The following PKP2 variants were observed in gnomAD, a reference collection of about 807,000 sequenced individuals.
PKP2 encodes plakophilin 2.
Under a neutral mutation model 83.4 loss-of-function variants are expected in PKP2, and 73 were observed. The observed-to-expected ratio is 0.88, with a 90% confidence interval of 0.72 to 1.06. The LOEUF (loss-of-function observed/expected upper bound fraction) is 1.06, where lower values mean the gene tolerates loss of function less well. Ranked by LOEUF, PKP2 falls within the 50% of genes least tolerant of loss-of-function variation. The probability of loss-of-function intolerance (pLI) is 0.00; values close to 1 mark genes in which losing one functional copy is unlikely to be tolerated. For synonymous variants in PKP2, 409 were observed against 430.4 expected (o/e 0.95, Z 0.62); for missense variants, 966 against 1,065.4 (o/e 0.91, Z 1.30).
At chr12:32,885,930 C>T (rs1036341620) in intron 1 of PKP2, among the ~76,000 whole-genome samples, 12 of 152,098 alleles carry the variant, frequency 7.9e-5, no homozygotes, top group Admixed American at 6.6e-4. Context: ...TTCAGAAAAG[C>T]GTCTTTTCTT....
chr12:32,795,449 C>T (rs1276534372), intron 11 of PKP2, among the ~76,000 whole-genome samples: 2 of 151,696 alleles, frequency 1.3e-5, no homozygotes, highest in African/African-American at 4.9e-5. Flanking sequence ...GGCACGATCA[C>T]GGCTCATTGC....
chr12:32,833,995 G>A (rs982610486), intron 6 of PKP2, among the ~76,000 whole-genome samples: 4 of 152,110 alleles, frequency 2.6e-5, no homozygotes, highest in African/African-American at 7.2e-5. Context: ...ATTTAAGAAC[G>A]TTGGTGATGA....
Position 32,860,615 on chromosome 12 carries a change from G to A in PKP2, c.1170+8312C>T, listed in dbSNP as rs538562594. ...ATTAGGACAAATACCTAATGCACGC[G>A]GGGCTTAAAACCTAGATGACAGGTT... On this transcript the variant is annotated intron_variant, in intron 4 of 12. Coordinates refer to ENST00000340811, the MANE Select transcript of PKP2 (RefSeq NM_001005242.3). Among the ~76,000 whole-genome samples the A allele has an allele frequency of 4.6e-5, 7 of 152,290 alleles. 1 individual carries two copies. The South Asian group carries it at 1.0e-3, about 23-fold the overall frequency.
chr12:32,866,457 G>A (rs576041441), intron 4 of PKP2, among the ~76,000 whole-genome samples: 1 of 149,858 alleles, frequency 6.7e-6, no homozygotes, highest in South Asian at 2.1e-4. Flanking sequence ...AGGCTGAGGT[G>A]GGAAGATCAC....
At chr12:32,887,774 C>T (rs927585040) in intron 1 of PKP2, among the ~76,000 whole-genome samples, 1 of 152,200 alleles carries the variant, frequency 6.6e-6, no homozygotes, top group African/African-American at 2.4e-5. Context: ...GTGTTCATGT[C>T]ATATTTTGTT....
intron 5 of PKP2, among the ~76,000 whole-genome samples, chr12:32,841,963 C>G (rs1242693947): frequency 1.3e-5 from 2 of 152,182 alleles, no homozygotes; most frequent in Non-Finnish European, 2.9e-5. Context: ...ATTAAATTTT[C>G]TCTTTCCTCT....
At chr12:32,816,750 G>A (rs1176775145) in intron 9 of PKP2, among the ~76,000 whole-genome samples, 1 of 152,054 alleles carries the variant, frequency 6.6e-6, no homozygotes, top group African/African-American at 2.4e-5. Flanking sequence ...ACCAGCATCT[G>A]TTGTTTTTTG....
intron 5 of PKP2, among the ~76,000 whole-genome samples, chr12:32,841,638 C>T (rs1410902785): frequency 1.3e-5 from 2 of 152,160 alleles, no homozygotes; most frequent in Non-Finnish European, 2.9e-5. Flanking sequence ...CCCTTAGATA[C>T]ACATGGGAAA....
At chr12:32,796,381 A>G in intron 10 of PKP2, 83 bp from the exon 11 acceptor site, 1 of 1,239,160 alleles carries the variant, frequency 8.1e-7, no homozygotes, top group Non-Finnish European at 1.2e-6. Flanking sequence ...TTGGGTGAAG[A>G]ACATTCTTTT....
intron 9 of PKP2, among the ~76,000 whole-genome samples, chr12:32,819,283 A>AAATAC (rs139908317): frequency 2.9e-3 from 106 of 36,496 alleles, no homozygotes; most frequent in Admixed American, 6.5e-3. Context: ...GCCTCAAAAT[A>AAATAC]AATACAATAC....
At chr12:32,842,281 C>T (rs78734582) in intron 5 of PKP2, among the ~76,000 whole-genome samples, 7,361 of 152,134 alleles carry the variant, frequency 0.048, 203 homozygotes, top group Non-Finnish European at 0.065. Flanking sequence ...ACTCTATTGC[C>T]CATGCTGGAG....
At chr12:32,823,486 A>C (rs1478763131) in intron 7 of PKP2, among the ~76,000 whole-genome samples, 1 of 152,058 alleles carries the variant, frequency 6.6e-6, no homozygotes, top group African/African-American at 2.4e-5. Flanking sequence ...AAAAAGAGAT[A>C]CATTAAAATT....
intron 11 of PKP2, among the ~76,000 whole-genome samples, chr12:32,793,681 C>G (rs374245044): frequency 7.0e-6 from 1 of 143,470 alleles, no homozygotes; most frequent in African/African-American, 2.7e-5. Context: ...CTGCAACCTC[C>G]GTCTCCCAGG....
rs1310099257 is a variant in PKP2, at chr12:32,835,330, G to A, written c.1556+5698C>T. Among the ~76,000 whole-genome samples, 4 of 152,110 alleles carry A rather than the reference G, an allele frequency of 2.6e-5. No homozygotes were observed. The East Asian group carries it at 7.7e-4, about 29-fold the overall frequency. On this transcript the variant is annotated intron_variant, in intron 6 of 12. Coordinates refer to ENST00000340811, the MANE Select transcript of PKP2 (RefSeq NM_001005242.3). ...GGCCTCCCAAAGTGCTGGGATTACA[G>A]GCATGAGCCACCGTGCCCGGCCTAC...
rs756468173 is a variant in PKP2 at position 32,879,006 on chromosome 12, G to A, written c.250C>T (p.Pro84Ser). The A allele has an allele frequency of 3.0e-5, 48 of 1,597,646 alleles. No individual in the cohort carries two copies. Among genetic ancestry groups the A allele is most frequent in the Non-Finnish European group, 3.9e-5 (46 of 1,166,830 alleles). The part of the protein sequence containing the change: ...NGNLHRTSSV[P>S]EYVYNLHLVE... ...AAGTGTAGGTTGTAGACATACTCAGGAACACTGCTGGTTCGGTGAAGATTT... is the reference window on the plus strand; with the variant it reads ...AAGTGTAGGTTGTAGACATACTCAGAAACACTGCTGGTTCGGTGAAGATTT... The change falls in exon 2 of 13, where the codon CCT becomes TCT. Residue 84 changes from proline to serine, a missense_variant. By Grantham distance (74) the Pro-to-Ser change is moderately conservative. Coordinates refer to ENST00000340811, the MANE Select transcript of PKP2 (RefSeq NM_001005242.3).
rs765884775 is a variant in PKP2 at position 32,821,380 on chromosome 12, C to A, written c.1989G>T (p.Gln663His). The stretch of plus-strand genomic sequence containing the variant: ...CTGGTCCACTTCCGGCCGTGAGGTT[C>A]TGCAGAGCTCCTAAGGATGCTTCTT... ...YTQEASLGAL[Q>H]NLTAGSGPMP... The change falls in exon 9 of 13, where the codon CAG (glutamine) becomes CAT (histidine). Residue 663 changes from glutamine to histidine, a missense_variant. By Grantham distance (24) the Gln-to-His change is conservative (BLOSUM62 0). Coordinates refer to ENST00000340811, the MANE Select transcript of PKP2 (RefSeq NM_001005242.3). 2 of 1,614,032 alleles carry A rather than the reference C, an allele frequency of 1.2e-6. No individual in the cohort carries two copies. Among genetic ancestry groups the A allele is most frequent in the Admixed American group, 1.7e-5 (1 of 60,000 alleles).
At chr12:32,893,317 C>T (rs542620274) in intron 1 of PKP2, 1 of 152,250 alleles carries the variant, frequency 6.6e-6, no homozygotes, top group East Asian at 1.9e-4. Context: ...TGTGTTGATA[C>T]AGGATTTTTT....
rs750853426 is a variant in PKP2 at position 32,792,751 on chromosome 12, C to A, written c.2358-20G>T. On this transcript the variant is annotated intron_variant, in intron 11 of 12. Transcript: ENST00000340811. Reference sequence around the variant, plus strand: ...GCATAGCTGAAAAGAAAAGGACATTCTGAGATCAGGGAGAATGAGTGAGGC... The same window carrying A: ...GCATAGCTGAAAAGAAAAGGACATTATGAGATCAGGGAGAATGAGTGAGGC... 2.5e-6 allele frequency: 4 copies of A among 1,602,774 alleles called. No individual in the cohort carries two copies. Among genetic ancestry groups the A allele is most frequent in the South Asian group, 1.1e-5 (1 of 90,826 alleles).
chr12:32,867,200 C>A (rs1043533869), intron 4 of PKP2, among the ~76,000 whole-genome samples: 4 of 152,090 alleles, frequency 2.6e-5, no homozygotes, highest in Non-Finnish European at 5.9e-5. Context: ...TGGTTGTGTG[C>A]GCCTATGGTC....
Sources: gnomAD v4.1 joint callset for allele counts (sites outside exome capture counted in the v4.1 genomes callset) on GRCh38, gnomAD v4.1.1 for gene constraint, MANE v1.5 for transcripts, NCBI Gene and HGNC (gene_info 2026-07-23, HGNC 2026-07-21) for gene names.